Variants in FAM83F observed in about 807,000 individuals in gnomAD.
FAM83F encodes the protein protein FAM83F.
FAM83F carries 45 observed loss-of-function variants against 42.9 expected under a neutral mutation model. The ratio of observed to expected loss-of-function variants is 1.05; its 90% confidence interval spans 0.83 to 1.35. The LOEUF is 1.35. FAM83F is among the 40% of genes most tolerant of loss of function. The pLI is 0.00. For synonymous variants in FAM83F, 306 were observed against 298.3 expected, an observed-to-expected ratio of 1.03 and a Z score of -0.27; for missense variants, 617 against 695.9, an observed-to-expected ratio of 0.89 and a Z score of 1.28.
rs910482835 is a variant in FAM83F, at chr22:40,041,419, C to T, written c.*11854C>T. ...GCCTTTTCAGGGTATGAGTTGATTC[C>T]GCAGGCACCAAGGCATGCCTGTAAG... On this transcript the variant is annotated 3_prime_UTR_variant, in exon 5 of 5. Coordinates refer to ENST00000333407, the MANE Select transcript of FAM83F (RefSeq NM_138435.4). 5.9e-5 allele frequency: 9 copies of T among 152,302 alleles called. No individual in the cohort carries two copies. Among genetic ancestry groups the T allele is most frequent in the East Asian group, 1.9e-4 (1 of 5,194 alleles). 9.4% of individuals were successfully genotyped at this position (152,302 alleles called of 1,614,324 possible).
At chr22:40,000,543 A>G (rs924256952) in intron 1 of FAM83F, among the ~76,000 whole-genome samples, 1 of 152,232 alleles carries the variant, frequency 6.6e-6, no homozygotes, top group Non-Finnish European at 1.5e-5. Flanking sequence ...GGCAAACAGT[A>G]CCAAGCGCCT....
chr22:40,032,552 G>A lies in FAM83F; in HGVS notation c.*2987G>A, dbSNP rs2067594796. On this transcript the variant is annotated 3_prime_UTR_variant, in exon 5 of 5. Coordinates refer to ENST00000333407, the MANE Select transcript of FAM83F (RefSeq NM_138435.4). Reference sequence around the variant, plus strand: ...GAAACTGGCCAAAGAGGGGAAAGTGGGCTATTTCTTTTTTTTTTTTCTTTT... The same window carrying A: ...GAAACTGGCCAAAGAGGGGAAAGTGAGCTATTTCTTTTTTTTTTTTCTTTT... 1 of 152,046 alleles carries A rather than the reference G, an allele frequency of 6.6e-6. No individual in the cohort carries two copies. Among genetic ancestry groups the A allele is most frequent in the Non-Finnish European group, 1.5e-5 (1 of 68,050 alleles). 9.4% of individuals were successfully genotyped at this position (152,046 alleles called of 1,614,324 possible).
At position 40,021,819 on chromosome 22, in the gene FAM83F, C is replaced by T. The variant is rs371478429; in HGVS notation, c.1309C>T (p.Arg437Cys). The part of the protein sequence containing the change: ...AARGEAAPAR[R>C]FSSRLFSRRA... ...CCGGGGGGAGGCCGCCCCCGCCAGGCGCTTCAGCAGCAGGCTCTTCAGTCG... is the reference window on the plus strand; with the variant it reads ...CCGGGGGGAGGCCGCCCCCGCCAGGTGCTTCAGCAGCAGGCTCTTCAGTCG... The change falls in exon 4 of 5, where the codon CGC becomes TGC. Residue 437 changes from arginine (R) to cysteine (C), a missense_variant. Physicochemically the swap from Arg to Cys is radical, Grantham distance 180. Coordinates refer to ENST00000333407, the MANE Select transcript of FAM83F (RefSeq NM_138435.4). This position sits in a 1 kb window ranked among gnomAD's most constrained non-coding sequence, Gnocchi z 8.7. The T allele has an allele frequency of 3.8e-5, 62 of 1,612,720 alleles. No homozygotes were observed. Among genetic ancestry groups the T allele is most frequent in the Non-Finnish European group, 4.7e-5 (55 of 1,179,736 alleles).
At chr22:40,027,633 G>A (rs1224136232) in intron 4 of FAM83F, among the ~76,000 whole-genome samples, 2 of 152,240 alleles carry the variant, frequency 1.3e-5, no homozygotes. Context: ...GGAATGACAA[G>A]GGACACAGAG....
At chr22:40,001,711 A>G (rs951294247) in intron 1 of FAM83F, among the ~76,000 whole-genome samples, 3 of 152,328 alleles carry the variant, frequency 2.0e-5, no homozygotes, top group East Asian at 1.9e-4. Flanking sequence ...GGGAGAAACC[A>G]TGTGTGAAAG....
At position 40,043,191 on chromosome 22, in the gene FAM83F, A is replaced by G. The variant is rs1000878376; in HGVS notation, c.*13626A>G. Reference sequence around the variant, plus strand: ...CCAAGGAGGTTACACAACAGCTTGGATCAGGAAGTGAAACAAGGGCGGTGA... The same window carrying G: ...CCAAGGAGGTTACACAACAGCTTGGGTCAGGAAGTGAAACAAGGGCGGTGA... On this transcript the variant is annotated 3_prime_UTR_variant, in exon 5 of 5. Transcript: ENST00000333407. 1 of 152,200 alleles carries G rather than the reference A, an allele frequency of 6.6e-6. No homozygotes were observed. Among genetic ancestry groups the G allele is most frequent in the African/African-American group, 2.4e-5 (1 of 41,444 alleles). 9.4% of individuals were successfully genotyped at this position (152,200 alleles called of 1,614,324 possible).
chr22:39,999,615 A>G (rs2067388306), intron 1 of FAM83F, among the ~76,000 whole-genome samples: 1 of 152,346 alleles, frequency 6.6e-6, no homozygotes, highest in African/African-American at 2.4e-5. Flanking sequence ...ACTTATCTTC[A>G]GACCAGGACA....
In FAM83F at chr22:40,019,907, G is replaced by C; in HGVS notation, c.678G>C (p.Val226=). ...FRIRNIRVRS[V]TGVGFYMPMG... ...AACAGAACATCCGTGTCCGCTCTGT[G>C]ACAGGCGTCGGCTTCTACATGCCCA... Residue 226 remains valine (V), a synonymous_variant, in exon 3 of 5, where the codon GTG becomes GTC. Coordinates refer to ENST00000333407, the MANE Select transcript of FAM83F (RefSeq NM_138435.4). 6.2e-7 allele frequency: 1 copy of C among 1,613,044 alleles called. No individual in the cohort carries two copies. Among genetic ancestry groups the C allele is most frequent in the African/African-American group, 1.3e-5 (1 of 74,952 alleles).
chr22:40,009,042 TC>T (rs534471486), intron 1 of FAM83F, among the ~76,000 whole-genome samples: 285 of 152,134 alleles, frequency 1.9e-3, no homozygotes, highest in African/African-American at 6.2e-3. Flanking sequence ...TGTGGGGAGT[TC>T]CCCCCATTTG....
At chr22:40,017,225 CTTTT>C (rs59308005) in intron 1 of FAM83F, among the ~76,000 whole-genome samples, 2 of 115,586 alleles carry the variant, frequency 1.7e-5, no homozygotes, top group Admixed American at 8.8e-5. Context: ...TCAGCACTTT[CTTTT>C]TTTTTTTTTT....
chr22:40,015,715 A>T (rs2067489221), intron 1 of FAM83F, among the ~76,000 whole-genome samples: 1 of 152,086 alleles, frequency 6.6e-6, no homozygotes, highest in African/African-American at 2.4e-5. Context: ...TTCCTTGGTA[A>T]AGTCTTATCC....
Position 40,037,510 on chromosome 22 carries a change from C to T in FAM83F, c.*7945C>T, listed in dbSNP as rs553600667. On this transcript the variant is annotated 3_prime_UTR_variant, in exon 5 of 5. Transcript: ENST00000333407. ...CTAGGACACCTCTCCTTTATGCCTC[C>T]GCTCCCAACACGGACTCTCAACTCT... The T allele has an allele frequency of 1.3e-5, 2 of 152,404 alleles. No individual in the cohort carries two copies. Among genetic ancestry groups the T allele is most frequent in the African/African-American group, 4.8e-5 (2 of 41,572 alleles). The allele number at this position is 152,404 out of a possible 1,614,324, so 9.4% of individuals were successfully genotyped here.
At position 40,040,367 on chromosome 22, in the gene FAM83F, T is replaced by G. The variant is rs1403427559; in HGVS notation, c.*10802T>G. ...TCTAGAAAATGTGGATAACAATGGT[T>G]GTTGTGAAGATTAACAGCCATAATC... is the stretch of plus-strand genomic sequence containing the variant. On this transcript the variant is annotated 3_prime_UTR_variant, in exon 5 of 5. Coordinates refer to ENST00000333407, the MANE Select transcript of FAM83F (RefSeq NM_138435.4). 1.3e-5 allele frequency: 2 copies of G among 152,164 alleles called. No homozygotes were observed. Among genetic ancestry groups the G allele is most frequent in the Non-Finnish European group, 2.9e-5 (2 of 68,028 alleles). The allele number at this position is 152,164 out of a possible 1,614,324, so 9.4% of individuals were successfully genotyped here.
intron 1 of FAM83F, among the ~76,000 whole-genome samples, chr22:40,004,267 A>ATTTTATTTTATTTTATTTTATTTTATTTT (rs1310775587): frequency 7.5e-6 from 1 of 133,752 alleles, no homozygotes; most frequent in South Asian, 2.4e-4. Flanking sequence ...GCCCTTTTAG[A>ATTTTATTTTATTTTATTTTATTTTATTTT]ATTTTATTTT....
chr22:40,020,445 C>A (rs987492334), intron 3 of FAM83F, among the ~76,000 whole-genome samples: 3 of 151,034 alleles, frequency 2.0e-5, no homozygotes, highest in Non-Finnish European at 4.4e-5. Context: ...TCACTGCAAC[C>A]TCTGCCTCCC....
At chr22:40,009,979 A>C (rs1010547463) in intron 1 of FAM83F, 4 of 152,330 alleles carry the variant, frequency 2.6e-5, no homozygotes, top group African/African-American at 9.6e-5. Flanking sequence ...ATGTCAGATG[A>C]GGAGACGTTG....
intron 1 of FAM83F, among the ~76,000 whole-genome samples, chr22:40,018,204 C>A (rs1721295600): frequency 6.6e-6 from 1 of 152,236 alleles, no homozygotes; most frequent in Non-Finnish European, 1.5e-5. Context: ...TCCAAGCCAG[C>A]CGGAGCTCTG....
At chr22:40,012,372 T>G (rs561448681) in intron 1 of FAM83F, among the ~76,000 whole-genome samples, 56 of 151,826 alleles carry the variant, frequency 3.7e-4, no homozygotes, top group African/African-American at 1.3e-3. Context: ...TGACCTCAGG[T>G]GATCCATCCG....
chr22:40,018,163 G>A (rs559192115), intron 1 of FAM83F, among the ~76,000 whole-genome samples: 1 of 152,330 alleles, frequency 6.6e-6, no homozygotes, highest in Non-Finnish European at 1.5e-5. Context: ...GGATGGCGTA[G>A]GATGGGATGG....
Sources: gnomAD v4.1 joint callset for allele counts (sites outside exome capture counted in the v4.1 genomes callset) on GRCh38, gnomAD v4.1.1 for gene constraint, Gnocchi (gnomAD v3.1) non-coding constraint, MANE v1.5 for transcripts, NCBI Gene and HGNC (gene_info 2026-07-23, HGNC 2026-07-21) for gene names.